The following INPP5A variants were observed in gnomAD, a reference collection of about 807,000 sequenced individuals.
INPP5A encodes inositol polyphosphate-5-phosphatase A, also known as 43 kDa inositol polyphosphate 5-phophatase.
In INPP5A, 14 loss-of-function variants were observed where a neutral mutation model predicts 65.2. The observed-to-expected ratio is 0.21, with a 90% CI of 0.14 to 0.34. The LOEUF (loss-of-function observed/expected upper bound fraction) is 0.34. INPP5A is among the 10% of genes least tolerant of loss of function. INPP5A has a pLI of 1.00. For synonymous variants in INPP5A, 207 were observed against 208.3 expected (o/e 0.99, Z 0.05); for missense variants, 431 against 545.6 (o/e 0.79, Z 2.09).
chr10:132,653,362 G>T (rs2072605932), intron 4 of INPP5A, among the ~76,000 whole-genome samples: 2 of 152,220 alleles, frequency 1.3e-5, no homozygotes, highest in Non-Finnish European at 2.9e-5. Flanking sequence ...TTCCAGGTGG[G>T]TCCGGAGCGG....
chr10:132,634,418 G>A (rs947217742), intron 2 of INPP5A, among the ~76,000 whole-genome samples: 58 of 152,296 alleles, frequency 3.8e-4, no homozygotes, highest in African/African-American at 1.3e-3. Context: ...GGTGTGCCCC[G>A]GAGAGGCGTG....
chr10:132,613,732 C>G (rs1053437203), intron 2 of INPP5A, among the ~76,000 whole-genome samples: 45 of 152,196 alleles, frequency 3.0e-4, no homozygotes, highest in African/African-American at 1.1e-3. Flanking sequence ...TGAGGGGCCT[C>G]GGGCTGGTGG....
intron 9 of INPP5A, among the ~76,000 whole-genome samples, chr10:132,734,129 T>G (rs565086090): frequency 6.6e-6 from 1 of 152,218 alleles, no homozygotes; most frequent in Non-Finnish European, 1.5e-5. Flanking sequence ...CGCAGTGCCA[T>G]GCCCGTGCAG....
rs1215981482 is a variant in INPP5A at position 132,752,536 on chromosome 10, T to C, written c.903+2691T>C. ...GGCGTGGCGTGGAGGAGGTGTGGCG[T>C]GGAGGGGCGTGGCGAGGAGGTGTGG... On this transcript the variant is annotated intron_variant, in intron 11 of 15. Transcript: ENST00000368594. Among the ~76,000 whole-genome samples, 2 of 95,168 alleles carry C rather than the reference T, an allele frequency of 2.1e-5. 1 individual carries two copies. The allele number at this position is 95,168 out of a possible 152,430, so 62.4% of individuals were successfully genotyped here.
chr10:132,772,579 G>A (rs1486969364), intron 12 of INPP5A, among the ~76,000 whole-genome samples: 1 of 105,578 alleles, frequency 9.5e-6, no homozygotes, highest in Non-Finnish European at 2.1e-5. Context: ...CCCACGAGGA[G>A]TGGGACAGAC....
Position 132,539,457 on chromosome 10 carries a change from C to T in INPP5A, c.75+1286C>T, listed in dbSNP as rs193256296. On this transcript the variant is annotated intron_variant, in intron 1 of 15. Coordinates refer to ENST00000368594, the MANE Select transcript of INPP5A (RefSeq NM_005539.5). The stretch of plus-strand genomic sequence containing the variant: ...CCTTTACCTTCTAGGGCCCCTCCCA[C>T]CCAAGCCTCATTCCCACCCAGGATC... 1.9e-3 allele frequency among the ~76,000 whole-genome samples: 289 copies of T among 152,252 alleles called. 2 individuals are homozygous for T. Among genetic ancestry groups the T allele is most frequent in the African/African-American group, 6.7e-3 (279 of 41,556 alleles).
intron 4 of INPP5A, among the ~76,000 whole-genome samples, chr10:132,681,049 C>T (rs541898899): frequency 3.2e-4 from 49 of 152,036 alleles, no homozygotes; most frequent in East Asian, 2.1e-3. Flanking sequence ...GCGCACAGCG[C>T]GGGACTGGCA....
chr10:132,643,821 G>T (rs180965643), intron 2 of INPP5A, among the ~76,000 whole-genome samples: 4 of 152,106 alleles, frequency 2.6e-5, no homozygotes, highest in Non-Finnish European at 1.5e-5. Context: ...GGGTCCTGGC[G>T]CCCTGTGAGT....
Position 132,780,874 on chromosome 10 carries a change from C to T in INPP5A, c.1115C>T (p.Thr372Ile), listed in dbSNP as rs990933528. 9 of 1,613,226 alleles carry T rather than the reference C, an allele frequency of 5.6e-6. No homozygotes were observed. The highest frequency in any genetic ancestry group is 5.0e-5 in the Admixed American group (3 of 60,004). ...LRSESEEKVV[T>I]YDHIGPNVCM... Reference sequence around the variant, plus strand: ...TCGGAGAGCGAGGAGAAGGTTGTCACCTATGACCACATTGGGCCCAACGTC... The same window carrying T: ...TCGGAGAGCGAGGAGAAGGTTGTCATCTATGACCACATTGGGCCCAACGTC... The change falls in exon 14 of 16, where the codon ACC becomes ATC. Residue 372 changes from threonine (T) to isoleucine (I), a missense_variant. Physicochemically the swap from Thr to Ile is moderately conservative, Grantham distance 89. Transcript: ENST00000368594.
rs2072940797 is a variant in INPP5A, at chr10:132,674,732, T to C, written c.307-15660T>C. On this transcript the variant is annotated intron_variant, in intron 4 of 15. Transcript: ENST00000368594. This position sits in a 1 kb window ranked among gnomAD's most constrained non-coding sequence, Gnocchi z 4.4. ...GCTAGATGGGTCAGAAAGCACCCAG[T>C]TCATGACATGCAGTTCAGGTCACAC... Among the ~76,000 whole-genome samples the C allele has an allele frequency of 1.3e-5, 2 of 152,186 alleles. No homozygotes were observed. The highest frequency in any genetic ancestry group is 4.8e-5 in the African/African-American group (2 of 41,440).
intron 2 of INPP5A, among the ~76,000 whole-genome samples, chr10:132,615,473 G>A (rs1420220063): frequency 1.3e-5 from 2 of 152,234 alleles, no homozygotes; most frequent in Non-Finnish European, 2.9e-5. Context: ...GCCCGTGGCC[G>A]CTGCTCAGTG....
chr10:132,699,048 T>C (rs1218203546), intron 6 of INPP5A, among the ~76,000 whole-genome samples: 1 of 152,190 alleles, frequency 6.6e-6, no homozygotes, highest in Admixed American at 6.5e-5. Context: ...CACCGCCCGT[T>C]TGCCTCCCTC....
At chr10:132,743,560 C>G (rs558455168) in intron 9 of INPP5A, among the ~76,000 whole-genome samples, 2 of 152,362 alleles carry the variant, frequency 1.3e-5, no homozygotes, top group East Asian at 3.9e-4. Flanking sequence ...TCATTTGTCC[C>G]GTGAGTATCA....
rs1035253052 is a variant in INPP5A, at chr10:132,546,133, C to T, written c.75+7962C>T. Among the ~76,000 whole-genome samples, 5 of 152,186 alleles carry T rather than the reference C, an allele frequency of 3.3e-5. No individual in the cohort carries two copies. The highest frequency in any genetic ancestry group is 9.7e-5 in the African/African-American group (4 of 41,438). On this transcript the variant is annotated intron_variant, in intron 1 of 15. Transcript: ENST00000368594. The surrounding 1 kb of genome is among the most constrained non-coding windows in gnomAD (Gnocchi z 5.7). ...GTGTCACGCCATGTGCTCATGTGAC[C>T]GAGGACGCTTCCGAGGATGTGGAAG...
chr10:132,651,732 T>G lies in INPP5A; in HGVS notation c.306+1227T>G, dbSNP rs2072579681. ...GGTGGGACTCTCATTGCTGTTTGGG[T>G]TCAAGGGCCATCTCACTTGTTTGGG... is the stretch of plus-strand genomic sequence containing the variant. On this transcript the variant is annotated intron_variant, in intron 4 of 15. Transcript: ENST00000368594. The surrounding 1 kb of genome is among the most constrained non-coding windows in gnomAD (Gnocchi z 5.0). Among the ~76,000 whole-genome samples, 1 of 152,204 alleles carries G rather than the reference T, an allele frequency of 6.6e-6. No individual in the cohort carries two copies.
At chr10:132,614,978 G>A (rs2072011412) in intron 2 of INPP5A, among the ~76,000 whole-genome samples, 1 of 152,222 alleles carries the variant, frequency 6.6e-6, no homozygotes, top group African/African-American at 2.4e-5. Context: ...CGCAGGCTGC[G>A]GTGTTTTGTT....
In INPP5A at chr10:132,588,012, C is replaced by CAAAAAAAAAA. The variant is rs796469034; in HGVS notation, c.76-19891_76-19882dup. Among the ~76,000 whole-genome samples the CAAAAAAAAAA allele has an allele frequency of 9.1e-3, 507 of 55,860 alleles. 8 individuals carry two copies. Among genetic ancestry groups the CAAAAAAAAAA allele is most frequent in the Admixed American group, 0.021 (103 of 4,964 alleles). The allele number at this position is 55,860 out of a possible 152,430, so 36.6% of individuals were successfully genotyped here. On this transcript the variant is annotated intron_variant, in intron 1 of 15. Coordinates refer to ENST00000368594, the MANE Select transcript of INPP5A (RefSeq NM_005539.5). ...GGGCAACAAGAGTAAAACTCCATCT[C>CAAAAAAAAAA]AAAAAAAAAAAAAAAAAAAAAGGAT...
chr10:132,747,557 C>A (rs771530832), intron 9 of INPP5A, among the ~76,000 whole-genome samples: 1 of 152,242 alleles, frequency 6.6e-6, no homozygotes, highest in Non-Finnish European at 1.5e-5. Flanking sequence ...GGAACCTGCA[C>A]AGGAAGGCCG....
intron 1 of INPP5A, among the ~76,000 whole-genome samples, chr10:132,557,597 A>C (rs530735633): frequency 1.3e-5 from 2 of 152,332 alleles, no homozygotes; most frequent in East Asian, 3.9e-4. Flanking sequence ...CAGCAAGTGC[A>C]GAGGGTCATT....
Sources: gnomAD v4.1 joint callset for allele counts (sites outside exome capture counted in the v4.1 genomes callset) on GRCh38, gnomAD v4.1.1 for gene constraint, Gnocchi (gnomAD v3.1) non-coding constraint, MANE v1.5 for transcripts, NCBI Gene and HGNC (gene_info 2026-07-23, HGNC 2026-07-21) for gene names.